KCNH4: variants seen among roughly 807,000 people sequenced by gnomAD.
KCNH4 encodes potassium voltage-gated channel subfamily H member 4.
KCNH4 carries 33 observed loss-of-function variants against 90.7 expected under a neutral mutation model. The observed-to-expected ratio is 0.36, with a 90% CI of 0.28 to 0.49. The LOEUF (loss-of-function observed/expected upper bound fraction) is 0.49, where lower values mean the gene tolerates loss of function less well. Among genes scored for constraint, KCNH4 ranks in the 20% least tolerant of loss-of-function variants. The probability of loss-of-function intolerance (pLI) is 0.98; values close to 1 mark genes in which losing one functional copy is unlikely to be tolerated. For synonymous variants in KCNH4, 551 were observed against 581.7 expected (o/e 0.95, Z 0.76); for missense variants, 1,044 against 1,387.1 (o/e 0.75, Z 3.93).
chr17:42,173,558 T>C (rs113068200), intron 6 of KCNH4, among the ~76,000 whole-genome samples: 2,103 of 152,082 alleles, frequency 0.014, 47 homozygotes, highest in African/African-American at 0.045. Flanking sequence ...TCATCTTCTG[T>C]CTCTGCTCTA....
chr17:42,159,878 G>T lies in KCNH4; in HGVS notation c.*162C>A. ...TGGGGAAGGCTTGGAAAAGGGAATA[G>T]CGTCAGAGGTAACCACGCTTCATTA... On this transcript the variant is annotated 3_prime_UTR_variant, in exon 16 of 17. Transcript: ENST00000264661. The T allele has an allele frequency of 2.1e-6, 1 of 483,024 alleles. No homozygotes were observed. The allele number at this position is 483,024 out of a possible 1,614,324, so 29.9% of individuals were successfully genotyped here.
chr17:42,164,805 A>T (rs1246897193), intron 11 of KCNH4, among the ~76,000 whole-genome samples: 1 of 148,822 alleles, frequency 6.7e-6, no homozygotes, highest in Non-Finnish European at 1.5e-5. Context: ...GTCTCAAAAA[A>T]AAACAAAAAC....
intron 1 of KCNH4, among the ~76,000 whole-genome samples, chr17:42,179,558 C>T (rs1288553431): frequency 6.6e-6 from 1 of 152,176 alleles, no homozygotes; most frequent in Non-Finnish European, 1.5e-5. Context: ...AAATTTTTTC[C>T]CCACATTCAC....
At position 42,163,141 on chromosome 17, in the gene KCNH4, C is replaced by A; in HGVS notation, c.2584+87G>T. ...TGTATTCCCAGGATGGCACCTGGCA[C>A]ATGGTAGGCCCCTACTACATATGGG... On this transcript the variant is annotated intron_variant, in intron 14 of 16. Coordinates refer to ENST00000264661, the MANE Select transcript of KCNH4 (RefSeq NM_012285.3). The surrounding 1 kb of genome is among the most constrained non-coding windows in gnomAD (Gnocchi z 5.4). 1.1e-6 allele frequency: 1 copy of A among 918,876 alleles called. No homozygotes were observed. Among genetic ancestry groups the A allele is most frequent in the Non-Finnish European group, 1.8e-6 (1 of 558,460 alleles). 56.9% of individuals were successfully genotyped at this position (918,876 alleles called of 1,614,324 possible).
rs1359053174 is a variant in KCNH4 at position 42,158,841 on chromosome 17, A to AT, written c.*309+889_*309+890insA. ...CAGAGTGAGACTCCGTCTATAAAAA[A>AT]ATATATATATATATATTTTTTTTAT... is the stretch of plus-strand genomic sequence containing the variant. On this transcript the variant is annotated intron_variant, in intron 16 of 16. Coordinates refer to ENST00000264661, the MANE Select transcript of KCNH4 (RefSeq NM_012285.3). Among the ~76,000 whole-genome samples the AT allele has an allele frequency of 6.9e-3, 1,034 of 148,868 alleles. 11 individuals carry two copies. Among genetic ancestry groups the AT allele is most frequent in the Admixed American group, 0.036 (537 of 14,920 alleles).
intron 9 of KCNH4, among the ~76,000 whole-genome samples, chr17:42,168,000 A>G (rs913375169): frequency 2.0e-5 from 3 of 152,048 alleles, no homozygotes; most frequent in African/African-American, 7.2e-5. Flanking sequence ...TCAGTTCCCT[A>G]AAGCGCTCAC....
rs559393368 is a variant in KCNH4 at position 42,166,909 on chromosome 17, C to T, written c.1591-363G>A. 3.6e-4 allele frequency among the ~76,000 whole-genome samples: 55 copies of T among 152,294 alleles called. 2 individuals are homozygous for T. The South Asian group carries it at 4.8e-3, about 13-fold the overall frequency. On this transcript the variant is annotated intron_variant, in intron 9 of 16. Transcript: ENST00000264661. ...CTGTGGACCTTGGGCAACCCATTTC[C>T]GCTCGCTGGGCCTCAGTATCCCAGT...
intron 6 of KCNH4, among the ~76,000 whole-genome samples, chr17:42,173,996 C>T (rs544767927): frequency 7.2e-5 from 11 of 152,026 alleles, no homozygotes; most frequent in Non-Finnish European, 1.6e-4. Context: ...CCACTGCGCC[C>T]GGCCAAGCTG....
chr17:42,165,964 C>T (rs1232943650), intron 10 of KCNH4, among the ~76,000 whole-genome samples: 1 of 151,814 alleles, frequency 6.6e-6, no homozygotes, highest in Non-Finnish European at 1.5e-5. Context: ...CCGGAGGGGT[C>T]AGGTCAGTTA....
intron 15 of KCNH4, among the ~76,000 whole-genome samples, chr17:42,160,867 G>A (rs910522716): frequency 2.6e-4 from 40 of 150,986 alleles, no homozygotes; most frequent in African/African-American, 9.2e-4. Flanking sequence ...CCAATCCTAA[G>A]AGGCCCAGAA....
chr17:42,175,569 G>C lies in KCNH4; in HGVS notation c.987+10C>G. ...AGGTTGGACTGGATGGCGGGATGGAGGTCACTCACCACGGTGATGTTGAAG... is the reference window on the plus strand; with the variant it reads ...AGGTTGGACTGGATGGCGGGATGGACGTCACTCACCACGGTGATGTTGAAG... On this transcript the variant is annotated intron_variant, in intron 6 of 16. Transcript: ENST00000264661. The C allele has an allele frequency of 6.2e-7, 1 of 1,614,150 alleles. No homozygotes were observed. Among genetic ancestry groups the C allele is most frequent in the Non-Finnish European group, 8.5e-7 (1 of 1,179,986 alleles).
In KCNH4 at chr17:42,166,472, C is replaced by A; in HGVS notation, c.1665G>T (p.Pro555=). 1.2e-6 allele frequency: 2 copies of A among 1,614,090 alleles called. No homozygotes were observed. The change falls in exon 10 of 17, where the codon CCG becomes CCT. Residue 555 remains proline (P), a synonymous_variant. Coordinates refer to ENST00000264661, the MANE Select transcript of KCNH4 (RefSeq NM_012285.3). ...MHLNREILQL[P]LFGAASRGCL... ...AGCCCCTGCTCGCTGCCCCGAACAA[C>A]GGCAGCTGCAGGATCTCCCGATTCA...
intron 5 of KCNH4, 61 bp downstream of exon 5, chr17:42,175,993 G>A (rs2079857769): frequency 6.5e-7 from 1 of 1,545,232 alleles, no homozygotes. Flanking sequence ...GAGTGGGTGA[G>A]GCTTGGCCAA....
chr17:42,166,668 C>T, intron 9 of KCNH4, 122 bp from the exon 10 acceptor site: 1 of 1,230,012 alleles, frequency 8.1e-7, no homozygotes, highest in South Asian at 1.5e-5. Context: ...TCACCCATTC[C>T]AGACCTTCAG....
At chr17:42,169,705 G>T (rs1223550824) in intron 8 of KCNH4, 29 bp from the exon 9 acceptor site, 1 of 1,607,648 alleles carries the variant, frequency 6.2e-7, no homozygotes. Context: ...GCCTGTCAGG[G>T]GCGGCCACCC....
At chr17:42,179,924 T>G (rs1406083401) in intron 1 of KCNH4, among the ~76,000 whole-genome samples, 1 of 152,178 alleles carries the variant, frequency 6.6e-6, no homozygotes, top group African/African-American at 2.4e-5. Flanking sequence ...GAGACTCAGC[T>G]AAGAGATGGG....
At chr17:42,165,773 G>A in intron 10 of KCNH4, 80 bp from the exon 11 acceptor site, 1 of 1,543,034 alleles carries the variant, frequency 6.5e-7, no homozygotes, top group Non-Finnish European at 8.9e-7. Context: ...GTGGATTTGA[G>A]GGGTGGTCAG....
At chr17:42,162,353 GGAGCATTAATACCT>G in intron 14 of KCNH4, 32 bp from the exon 15 acceptor site, 1 of 1,592,208 alleles carries the variant, frequency 6.3e-7, no homozygotes, top group Non-Finnish European at 8.6e-7. Context: ...GTGAGTTCAT[GGAGCATTAATACCT>G]GAGCCTATAA....
Position 42,175,951 on chromosome 17 carries a change from G to T in KCNH4, c.829+103C>A, listed in dbSNP as rs2079857501. 12 of 1,366,414 alleles carry T rather than the reference G, an allele frequency of 8.8e-6. No homozygotes were observed. In the South Asian group the frequency reaches 1.6e-4, roughly 19 times the overall value. The allele number at this position is 1,366,414 out of a possible 1,614,324, so 84.6% of individuals were successfully genotyped here. A position where few individuals can be genotyped will look rare whatever the true frequency, so the allele number is the denominator to read the frequency against. On this transcript the variant is annotated intron_variant, in intron 5 of 16. Transcript: ENST00000264661. ...GGACTTAAAGATGCAGAAAGGAAGGGGCTCTGAATGTCTGGGTCATGTGGG... is the reference window on the plus strand; with the variant it reads ...GGACTTAAAGATGCAGAAAGGAAGGTGCTCTGAATGTCTGGGTCATGTGGG...
Sources: gnomAD v4.1 joint callset for allele counts (sites outside exome capture counted in the v4.1 genomes callset) on GRCh38, gnomAD v4.1.1 for gene constraint, Gnocchi (gnomAD v3.1) non-coding constraint, MANE v1.5 for transcripts, NCBI Gene and HGNC (gene_info 2026-07-23, HGNC 2026-07-21) for gene names.